The following MBOAT7 variants were observed in gnomAD, a reference collection of about 807,000 sequenced individuals.
MBOAT7 encodes membrane-bound acylglycerophosphatidylinositol O-acyltransferase MBOAT7.
In MBOAT7, 40 loss-of-function variants were observed where a neutral mutation model predicts 47.4. The ratio of observed to expected loss-of-function variants is 0.84; its 90% CI spans 0.66 to 1.10. The LOEUF is 1.10. Ranked by LOEUF, MBOAT7 falls within the 50% of genes least tolerant of loss-of-function variation. The pLI is 0.00. For synonymous variants in MBOAT7, 361 were observed against 292.0 expected, an observed-to-expected ratio of 1.24 and a Z score of -2.41; for missense variants, 680 against 655.6, an observed-to-expected ratio of 1.04 and a Z score of -0.41.
At chr19:54,185,680 G>A (rs917521430) in intron 4 of MBOAT7, among the ~76,000 whole-genome samples, 1 of 151,226 alleles carries the variant, frequency 6.6e-6, no homozygotes, top group Non-Finnish European at 1.5e-5. Flanking sequence ...CATCCAGAAC[G>A]AGTTTTCTTT....
intron 4 of MBOAT7, among the ~76,000 whole-genome samples, chr19:54,186,475 T>C (rs1037716149): frequency 6.6e-6 from 1 of 152,144 alleles, no homozygotes; most frequent in African/African-American, 2.4e-5. Flanking sequence ...TGCTGCCTGT[T>C]CCCTTTTGCT....
At position 54,180,664 on chromosome 19, in the gene MBOAT7, G is replaced by A. The variant is rs546960600; in HGVS notation, c.854+109C>T. 37 of 1,061,776 alleles carry A rather than the reference G, an allele frequency of 3.5e-5. No individual in the cohort carries two copies. Among genetic ancestry groups the A allele is most frequent in the East Asian group, 2.4e-4 (9 of 37,136 alleles). The allele number at this position is 1,061,776 out of a possible 1,614,324, so 65.8% of individuals were successfully genotyped here. ...AGGGGGCGACACTCTGCTCAAAAAG[G>A]TGGTGGCCCTGGCCCCTTGCTCCCC... On this transcript the variant is annotated intron_variant, in intron 6 of 7. Coordinates refer to ENST00000245615, the MANE Select transcript of MBOAT7 (RefSeq NM_024298.5). This position sits in a 1 kb window ranked among gnomAD's most constrained non-coding sequence, Gnocchi z 5.2.
chr19:54,174,199 T>C lies in MBOAT7; in HGVS notation c.1264A>G (p.Thr422Ala). ...TAGATGGAGGCCCAGTACCGAAGGG[T>C]GTCGGCCAAGGAGAGCAGCACGAAG... ...MGFVLLSLAD[T>A]LRYWASIYFC... Residue 422 changes from threonine (T) to alanine (A), a missense_variant, in exon 8 of 8, where the codon ACC (threonine) becomes GCC (alanine). Thr to Ala is a moderately conservative substitution (Grantham distance 58). Transcript: ENST00000245615. 1.9e-6 allele frequency: 3 copies of C among 1,598,476 alleles called. No homozygotes were observed. Among genetic ancestry groups the C allele is most frequent in the Non-Finnish European group, 2.6e-6 (3 of 1,170,698 alleles).
Position 54,188,353 on chromosome 19 carries a change from G to C in MBOAT7, c.77-7C>G, listed in dbSNP as rs2076516100. 1.2e-6 allele frequency: 2 copies of C among 1,613,128 alleles called. No individual in the cohort carries two copies. The highest frequency in any genetic ancestry group is 1.1e-5 in the South Asian group (1 of 90,968). On this transcript the variant is annotated splice_region_variant and splice_polypyrimidine_tract_variant and intron_variant, in intron 2 of 7. Transcript: ENST00000245615. ...CATCTCTTCAGCCCAGGACCTGCAG[G>C]GGGAAGGGACAGCATAAGCCTGGAA...
Position 54,188,283 on chromosome 19 carries a change from C to T in MBOAT7, c.140G>A (p.Gly47Asp). 1.2e-6 allele frequency: 2 copies of T among 1,613,976 alleles called. No individual in the cohort carries two copies. The highest frequency in any genetic ancestry group is 1.7e-6 in the Non-Finnish European group (2 of 1,179,982). ...VGLGLTLFTC[G>D]PHTLHSLVTI... Reference sequence around the variant, plus strand: ...GACCAGAGAATGCAAAGTGTGGGGGCCACAGGTGAACAGGGTGAGCCCCAG... The same window carrying T: ...GACCAGAGAATGCAAAGTGTGGGGGTCACAGGTGAACAGGGTGAGCCCCAG... Residue 47 changes from glycine (G) to aspartate (D), a missense_variant, in exon 3 of 8, where the codon GGC becomes GAC. Gly to Asp is a moderately conservative substitution (Grantham distance 94). Transcript: ENST00000245615.
intron 6 of MBOAT7, chr19:54,179,191 G>T: frequency 1.7e-6 from 1 of 571,690 alleles, no homozygotes; most frequent in Non-Finnish European, 3.1e-6. Context: ...ACCTAATGGG[G>T]CCCGCCACAG....
chr19:54,183,113 G>A (rs539244494), intron 5 of MBOAT7, among the ~76,000 whole-genome samples: 1 of 152,226 alleles, frequency 6.6e-6, no homozygotes, highest in South Asian at 2.1e-4. Flanking sequence ...CAATCCTCTC[G>A]CCTCAGCCTC....
chr19:54,183,616 C>T lies in MBOAT7; in HGVS notation c.398G>A (p.Gly133Asp), dbSNP rs750376339. The change falls in exon 5 of 8, where the codon GGC becomes GAC. Residue 133 changes from glycine (G) to aspartate (D), a missense_variant. Coordinates refer to ENST00000245615, the MANE Select transcript of MBOAT7 (RefSeq NM_024298.5). ...HLAQRKEMAS[G>D]FSKGPTLGLL... ...CCCCAGGGTGGGCCCCTTGCTGAAGCCTGAGGCCATTTCCTTCCTCTGGGC... is the reference window on the plus strand; with the variant it reads ...CCCCAGGGTGGGCCCCTTGCTGAAGTCTGAGGCCATTTCCTTCCTCTGGGC... The T allele has an allele frequency of 1.2e-6, 2 of 1,606,588 alleles. No individual in the cohort carries two copies. Among genetic ancestry groups the T allele is most frequent in the African/African-American group, 2.7e-5 (2 of 74,638 alleles).
At position 54,174,308 on chromosome 19, in the gene MBOAT7, C is replaced by T. The variant is rs2076011852; in HGVS notation, c.1155G>A (p.Gly385=). The T allele has an allele frequency of 6.2e-7, 1 of 1,613,096 alleles. No homozygotes were observed. The highest frequency in any genetic ancestry group is 1.3e-5 in the African/African-American group (1 of 74,898). The change falls in exon 8 of 8, where the codon GGG becomes GGA. Residue 385 remains glycine, a synonymous_variant. Coordinates refer to ENST00000245615, the MANE Select transcript of MBOAT7 (RefSeq NM_024298.5). The stretch of plus-strand genomic sequence containing the variant: ...CCTTCTGGCCCCCTGGGCTCAGCCG[C>T]CCCCGCAGGGCTGACTCCAGCCGGC... ...AEGRLESALR[G]RLSPGGQKAW... is the part of the protein sequence containing the mutation.
intron 7 of MBOAT7, among the ~76,000 whole-genome samples, chr19:54,175,940 C>G (rs1203641339): frequency 6.6e-6 from 1 of 152,048 alleles, no homozygotes; most frequent in Non-Finnish European, 1.5e-5. Flanking sequence ...GGCCAGGATG[C>G]TCTCAATCTC....
chr19:54,177,882 G>A (rs1003708831), intron 7 of MBOAT7, among the ~76,000 whole-genome samples: 7 of 138,292 alleles, frequency 5.1e-5, no homozygotes, highest in Non-Finnish European at 9.1e-5. Context: ...ACCATGCCTG[G>A]CTATGAGTTC....
At chr19:54,174,790 T>G (rs1175327884) in intron 7 of MBOAT7, among the ~76,000 whole-genome samples, 2 of 152,078 alleles carry the variant, frequency 1.3e-5, no homozygotes, top group Non-Finnish European at 2.9e-5. Context: ...CTCAGACCCA[T>G]GACCCTAGCT....
At chr19:54,182,998 G>A (rs1330494770) in intron 5 of MBOAT7, among the ~76,000 whole-genome samples, 1 of 55,526 alleles carries the variant, frequency 1.8e-5, no homozygotes, top group East Asian at 4.7e-4. Context: ...ACTGCGCCCG[G>A]CCCTTTAATT....
At chr19:54,177,186 A>AATACTAATAC (rs1324432737) in intron 7 of MBOAT7, among the ~76,000 whole-genome samples, 1,412 of 62,052 alleles carry the variant, frequency 0.023, 17 homozygotes, top group African/African-American at 0.071. Flanking sequence ...AATACTAATA[A>AATACTAATAC]TAATATCCTT....
At position 54,174,348 on chromosome 19, in the gene MBOAT7, C is replaced by A. The variant is rs1490768673; in HGVS notation, c.1115G>T (p.Cys372Phe). 2 of 1,612,736 alleles carry A rather than the reference C, an allele frequency of 1.2e-6. No individual in the cohort carries two copies. The highest frequency in any genetic ancestry group is 1.7e-5 in the Admixed American group (1 of 59,838). The change falls in exon 8 of 8, where the codon TGC (cysteine) becomes TTC (phenylalanine). Residue 372 changes from cysteine to phenylalanine, a missense_variant. Cys to Phe is a radical substitution (Grantham distance 205). Transcript: ENST00000245615. ...CTCCAGCCGGCCCTCGGCAGCCAGG[C>A]ACAGCGGGATGGTCAGGAAGCTCAG... ...YYLSFLTIPL[C>F]LAAEGRLESA... is the part of the protein sequence containing the mutation.
chr19:54,183,395 A>T, intron 5 of MBOAT7, 126 bp downstream of exon 5: 1 of 1,133,698 alleles, frequency 8.8e-7, no homozygotes, highest in Non-Finnish European at 1.2e-6. Context: ...ACACATGCCC[A>T]CCCTCACAGC....
At chr19:54,178,744 A>C (rs780802938) in intron 7 of MBOAT7, 21 bp downstream of exon 7, 6 of 1,611,354 alleles carry the variant, frequency 3.7e-6, no homozygotes, top group Non-Finnish European at 4.2e-6. Flanking sequence ...GTGTCACCTG[A>C]GACTGGGCGG....
intron 7 of MBOAT7, among the ~76,000 whole-genome samples, chr19:54,176,436 T>C (rs529829855): frequency 1.1e-4 from 17 of 152,030 alleles, no homozygotes; most frequent in African/African-American, 3.6e-4. Flanking sequence ...CACGTGCCTA[T>C]AATCCCAGCT....
At chr19:54,176,479 A>T (rs1386984882) in intron 7 of MBOAT7, among the ~76,000 whole-genome samples, 2 of 151,932 alleles carry the variant, frequency 1.3e-5, no homozygotes, top group African/African-American at 4.8e-5. Flanking sequence ...GATTGCTTGA[A>T]CCTGGGAGGG....
Sources: allele counts gnomAD v4.1 joint callset (sites outside exome capture counted in the v4.1 genomes callset), GRCh38; gene constraint gnomAD v4.1.1; non-coding constraint Gnocchi (gnomAD v3.1); transcripts MANE v1.5; gene names NCBI Gene and HGNC (gene_info 2026-07-23, HGNC 2026-07-21).